The following LOC128462377 variants were observed in gnomAD, a reference collection of about 807,000 sequenced individuals.
the LOC128462377 span, among the ~76,000 whole-genome samples, chr16:89,415,008 G>C: frequency 4.6e-5 from 7 of 152,246 alleles, no homozygotes; most frequent in East Asian, 1.2e-3. Flanking sequence ...GCAGTGGTGT[G>C]ATCATAGCTC....
the LOC128462377 span, among the ~76,000 whole-genome samples, chr16:89,351,963 T>A: frequency 6.6e-6 from 1 of 152,140 alleles, no homozygotes; most frequent in Admixed American, 6.5e-5. Context: ...CAGGATGGAG[T>A]GCAGTGGTGC....
At chr16:89,363,685 G>A in the LOC128462377 span, among the ~76,000 whole-genome samples, 1 of 152,174 alleles carries the variant, frequency 6.6e-6, no homozygotes, top group Admixed American at 6.5e-5. Flanking sequence ...TCCCGTGTAT[G>A]TGGCCCAGGC....
the LOC128462377 span, among the ~76,000 whole-genome samples, chr16:89,367,540 G>C: frequency 1.3e-5 from 2 of 152,180 alleles, no homozygotes; most frequent in African/African-American, 4.8e-5. Context: ...GCACACACCA[G>C]TCCCTGCCGC....
At chr16:89,378,666 G>A in the LOC128462377 span, among the ~76,000 whole-genome samples, 1 of 152,162 alleles carries the variant, frequency 6.6e-6, no homozygotes, top group South Asian at 2.1e-4. Flanking sequence ...AAAGATTTCT[G>A]CCTCCTGGGT....
At chr16:89,405,458 G>A in the LOC128462377 span, among the ~76,000 whole-genome samples, 2 of 150,000 alleles carry the variant, frequency 1.3e-5, no homozygotes, top group Admixed American at 6.6e-5. Context: ...CCAACTAGCT[G>A]TGACTACAGG....
chr16:89,335,341 GA>G, the LOC128462377 span, among the ~76,000 whole-genome samples: 1 of 152,210 alleles, frequency 6.6e-6, no homozygotes. Context: ...TCCAGCACAG[GA>G]ACAAATCCAC....
chr16:89,402,266 G>A, the LOC128462377 span, among the ~76,000 whole-genome samples: 41 of 152,116 alleles, frequency 2.7e-4, no homozygotes, highest in African/African-American at 9.4e-4. Context: ...CGTGACGTAC[G>A]CCAGTTCTTT....
the LOC128462377 span, among the ~76,000 whole-genome samples, chr16:89,329,162 C>A: frequency 6.6e-6 from 1 of 152,234 alleles, no homozygotes; most frequent in Non-Finnish European, 1.5e-5. Flanking sequence ...AAACCACCAA[C>A]CTCGGGGAAA....
the LOC128462377 span, among the ~76,000 whole-genome samples, chr16:89,325,469 TCACACACA>T: frequency 4.7e-5 from 7 of 147,740 alleles, no homozygotes; most frequent in South Asian, 1.1e-3. Flanking sequence ...TCTCTCTCTC[TCACACACA>T]CACACACACA....
the LOC128462377 span, among the ~76,000 whole-genome samples, chr16:89,399,742 G>A: frequency 6.6e-6 from 1 of 152,140 alleles, no homozygotes; most frequent in Non-Finnish European, 1.5e-5. Context: ...AGGGGTGCGG[G>A]GGAACCCTCT....
At chr16:89,349,134 T>TTAAAAAAAAAAAAAAAAAAA in the LOC128462377 span, among the ~76,000 whole-genome samples, 1 of 16,576 alleles carries the variant, frequency 6.0e-5, no homozygotes, top group Non-Finnish European at 9.5e-5. Flanking sequence ...TCTCAAAAAG[T>TTAAAAAAAAAAAAAAAAAAA]AAAAAAAAAA....
the LOC128462377 span, among the ~76,000 whole-genome samples, chr16:89,355,622 G>A: frequency 5.3e-5 from 8 of 152,206 alleles, no homozygotes; most frequent in African/African-American, 1.9e-4. Flanking sequence ...TCACAGTATC[G>A]CCAGGATCAA....
the LOC128462377 span, among the ~76,000 whole-genome samples, chr16:89,344,766 G>A: frequency 2.0e-5 from 3 of 151,656 alleles, no homozygotes; most frequent in Non-Finnish European, 4.4e-5. Flanking sequence ...GGAGCACAGC[G>A]GAGGGCCAGA....
the LOC128462377 span, among the ~76,000 whole-genome samples, chr16:89,370,425 C>T: frequency 6.6e-6 from 1 of 152,178 alleles, no homozygotes; most frequent in Non-Finnish European, 1.5e-5. Flanking sequence ...CCTGAGCCCT[C>T]CTGCCGTTAT....
At chr16:89,375,698 G>A in the LOC128462377 span, among the ~76,000 whole-genome samples, 3 of 141,412 alleles carry the variant, frequency 2.1e-5, no homozygotes, top group Non-Finnish European at 3.0e-5. Context: ...CAAGTGATCC[G>A]CCCAGCCTCA....
At chr16:89,350,999 C>T in the LOC128462377 span, among the ~76,000 whole-genome samples, 6 of 152,218 alleles carry the variant, frequency 3.9e-5, no homozygotes, top group African/African-American at 1.2e-4. Flanking sequence ...TACGCACACT[C>T]TGTGATGCTC....
chr16:89,379,548 G>A, the LOC128462377 span, among the ~76,000 whole-genome samples: 2 of 152,164 alleles, frequency 1.3e-5, no homozygotes, highest in African/African-American at 4.8e-5. Context: ...GCTCAGTCAC[G>A]GCTCACTGCA....
chr16:89,335,867 A>G, the LOC128462377 span, among the ~76,000 whole-genome samples: 2 of 152,150 alleles, frequency 1.3e-5, no homozygotes, highest in Non-Finnish European at 1.5e-5. Flanking sequence ...AAGGGCTAGG[A>G]GAAACGCAGG....
At chr16:89,389,892 C>A in the LOC128462377 span, among the ~76,000 whole-genome samples, 2 of 118,830 alleles carry the variant, frequency 1.7e-5, no homozygotes, top group Non-Finnish European at 3.4e-5. Flanking sequence ...CCGAGTGTGG[C>A]GGGGAGCACC....
Sources: gnomAD v4.1 joint callset for allele counts (sites outside exome capture counted in the v4.1 genomes callset) on GRCh38, gnomAD v4.1.1 for gene constraint, MANE v1.5 for transcripts.